RUNDC1: variants seen among roughly 807,000 people sequenced by gnomAD.
RUNDC1 encodes the protein RUN domain-containing protein 1.
A neutral mutation model predicts 49.3 loss-of-function variants in RUNDC1; 31 were observed. The ratio of observed to expected loss-of-function variants is 0.63; its 90% confidence interval spans 0.47 to 0.85. RUNDC1 has a LOEUF of 0.85. RUNDC1 is among the 40% of genes least tolerant of loss of function. RUNDC1 has a pLI of 0.00. For missense variants in RUNDC1, 715 were observed against 806.7 expected, an observed-to-expected ratio of 0.89 and a Z score of 1.38; for synonymous variants, 347 against 348.6, an observed-to-expected ratio of 1.00 and a Z score of 0.05.
chr17:42,987,497 T>C (rs1418447966), intron 2 of RUNDC1, 83 bp downstream of exon 2: 2 of 1,365,086 alleles, frequency 1.5e-6, no homozygotes, highest in Non-Finnish European at 2.1e-6. Flanking sequence ...CTCTCTCAGC[T>C]CAGTTCTCCT....
chr17:42,985,535 G>T, intron 1 of RUNDC1: 1 of 221,186 alleles, frequency 4.5e-6, no homozygotes, highest in Non-Finnish European at 7.6e-6. Context: ...TTGCTTTCAT[G>T]TTGAGCAAAG....
intron 1 of RUNDC1, chr17:42,981,380 G>A (rs952310461): frequency 8.1e-6 from 3 of 371,900 alleles, no homozygotes; most frequent in Non-Finnish European, 9.7e-6. Context: ...GCCAAGAGCA[G>A]TGCTGCGCCC....
At chr17:42,983,273 A>G (rs1698314222) in intron 1 of RUNDC1, among the ~76,000 whole-genome samples, 4 of 149,712 alleles carry the variant, frequency 2.7e-5, no homozygotes, top group Admixed American at 2.7e-4. Context: ...TCTTGTATTT[A>G]TACATTGAAT....
chr17:42,981,334 G>A (rs1314790194), intron 1 of RUNDC1: 7 of 497,150 alleles, frequency 1.4e-5, no homozygotes, highest in Non-Finnish European at 2.5e-5. Flanking sequence ...TAGAGGAGCG[G>A]TGAGCGAAGT....
At chr17:42,988,232 C>T (rs1310203665) in intron 2 of RUNDC1, among the ~76,000 whole-genome samples, 1 of 149,186 alleles carries the variant, frequency 6.7e-6, no homozygotes, top group Non-Finnish European at 1.5e-5. Context: ...GTTTTTCTGG[C>T]TGGGCTGGAG....
rs1567733773 is a variant in RUNDC1, at chr17:42,991,851, G to T, written c.*135G>T. On this transcript the variant is annotated 3_prime_UTR_variant, in exon 5 of 5. Coordinates refer to ENST00000361677, the MANE Select transcript of RUNDC1 (RefSeq NM_173079.5). The stretch of plus-strand genomic sequence containing the variant: ...ACCCTGCTCAGGCAGTCGGCCAAAT[G>T]AGTGCAAAGTCTGTTTTCCCCACCA... 4.5e-6 allele frequency: 4 copies of T among 892,846 alleles called. No homozygotes were observed. In the East Asian group the frequency reaches 9.9e-5, roughly 22 times the overall value. 55.3% of individuals were successfully genotyped at this position (892,846 alleles called of 1,614,324 possible). A position where few individuals can be genotyped will look rare whatever the true frequency, so the allele number is the denominator to read the frequency against.
At chr17:42,985,645 C>A in intron 1 of RUNDC1, 3 of 283,634 alleles carry the variant, frequency 1.1e-5, no homozygotes, top group African/African-American at 3.2e-5. Flanking sequence ...TTACTTACTT[C>A]TTCAGGGCTT....
chr17:42,981,182 G>C, intron 1 of RUNDC1, 108 bp downstream of exon 1: 2 of 1,364,314 alleles, frequency 1.5e-6, no homozygotes, highest in Non-Finnish European at 1.9e-6. Flanking sequence ...CCCCGACTCG[G>C]TCGGTGAGTA....
intron 3 of RUNDC1, 69 bp downstream of exon 3, chr17:42,989,608 G>A (rs747592417): frequency 1.4e-5 from 20 of 1,406,770 alleles, no homozygotes; most frequent in Non-Finnish European, 2.0e-5. Flanking sequence ...CTAAGTACTA[G>A]TAAAAAGGTT....
At chr17:42,982,447 A>G (rs2151956229) in intron 1 of RUNDC1, among the ~76,000 whole-genome samples, 1 of 152,226 alleles carries the variant, frequency 6.6e-6, no homozygotes, top group Admixed American at 6.5e-5. Flanking sequence ...ACCCTTCTCC[A>G]CATACCTGCA....
intron 1 of RUNDC1, among the ~76,000 whole-genome samples, chr17:42,986,791 G>A (rs1445873776): frequency 6.6e-6 from 1 of 152,148 alleles, no homozygotes; most frequent in African/African-American, 2.4e-5. Context: ...GAGCTACCGG[G>A]CCCGGCCAGC....
chr17:42,987,489 C>G, intron 2 of RUNDC1, 75 bp downstream of exon 2: 2 of 1,420,556 alleles, frequency 1.4e-6, no homozygotes, highest in East Asian at 2.3e-5. Flanking sequence ...AGGGCATCCT[C>G]TCTCAGCTCA....
intron 1 of RUNDC1, among the ~76,000 whole-genome samples, chr17:42,982,976 G>T (rs993243416): frequency 6.9e-6 from 1 of 145,330 alleles, no homozygotes; most frequent in Non-Finnish European, 1.5e-5. Flanking sequence ...CAACAAGAGT[G>T]AAACTCTGTC....
chr17:42,987,314 T>TA lies in RUNDC1; in HGVS notation c.558dup (p.Leu187ThrfsTer9). On this transcript the variant is annotated frameshift_variant, in exon 2 of 5. Transcript: ENST00000361677. LOFTEE classifies it high-confidence loss of function. ...CAAAGGGAGAAGCAGAAAGAACTGA[T>TA]ACTGCAGCTCAAGACCCAGCTAGAT... 1 of 1,614,058 alleles carries TA rather than the reference T, an allele frequency of 6.2e-7. No individual in the cohort carries two copies. The highest frequency in any genetic ancestry group is 8.5e-7 in the Non-Finnish European group (1 of 1,179,972).
At chr17:42,983,968 G>A (rs948962471) in intron 1 of RUNDC1, among the ~76,000 whole-genome samples, 7 of 151,422 alleles carry the variant, frequency 4.6e-5, no homozygotes, top group African/African-American at 1.5e-4. Flanking sequence ...ATAGGTGTGA[G>A]CCACCGTGCC....
At position 42,982,993 on chromosome 17, in the gene RUNDC1, A is replaced by T. The variant is rs558205959; in HGVS notation, c.498+1919A>T. ...ACAAGAGTGAAACTCTGTCTCAAAA[A>T]AAAACACACAAAAAATTAAAAACTG... On this transcript the variant is annotated intron_variant, in intron 1 of 4. Transcript: ENST00000361677. Among the ~76,000 whole-genome samples, 7 of 150,216 alleles carry T rather than the reference A, an allele frequency of 4.7e-5. No individual in the cohort carries two copies. The East Asian group carries it at 5.8e-4, about 12-fold the overall frequency.
intron 1 of RUNDC1, among the ~76,000 whole-genome samples, chr17:42,982,930 T>C (rs371284483): frequency 6.8e-6 from 1 of 147,844 alleles, no homozygotes; most frequent in African/African-American, 2.5e-5. Flanking sequence ...GAGGTTGCGG[T>C]GAGCCAAGAT....
chr17:42,989,335 T>C lies in RUNDC1; in HGVS notation c.658-6T>C, dbSNP rs764644489. 2 of 1,611,556 alleles carry C rather than the reference T, an allele frequency of 1.2e-6. No individual in the cohort carries two copies. Among genetic ancestry groups the C allele is most frequent in the Non-Finnish European group, 1.7e-6 (2 of 1,178,298 alleles). Reference sequence around the variant, plus strand: ...AGGGTGTGCTCATTGCTTGTGATCTTGGTAGGTGATCATAGATGAGTTAAT... The same window carrying C: ...AGGGTGTGCTCATTGCTTGTGATCTCGGTAGGTGATCATAGATGAGTTAAT... On this transcript the variant is annotated splice_region_variant and splice_polypyrimidine_tract_variant and intron_variant, in intron 2 of 4. Coordinates refer to ENST00000361677, the MANE Select transcript of RUNDC1 (RefSeq NM_173079.5).
In RUNDC1 at chr17:42,990,853, A is replaced by G. The variant is rs2050228757; in HGVS notation, c.979A>G (p.Lys327Glu). The change falls in exon 5 of 5, where the codon AAG becomes GAG. Residue 327 changes from lysine (K) to glutamate (E), a missense_variant and splice_region_variant. This residue lies in a region of RUNDC1 where 425 missense variants were observed against 499.7 expected (regional missense o/e 0.85). Coordinates refer to ENST00000361677, the MANE Select transcript of RUNDC1 (RefSeq NM_173079.5). ...GAGCCACTGTCTTTTCTAAGCAGCA[A>G]AGGCAGAGGATGTGAAGAAAGTCCG... is the stretch of plus-strand genomic sequence containing the variant. ...SRTPPGNSKTKAEDVKKVRET... is the reference protein window; with the variant it reads ...SRTPPGNSKTEAEDVKKVRET... 1 of 1,586,406 alleles carries G rather than the reference A, an allele frequency of 6.3e-7. No individual in the cohort carries two copies. The highest frequency in any genetic ancestry group is 1.3e-5 in the African/African-American group (1 of 74,488).
Sources: allele counts gnomAD v4.1 joint callset (sites outside exome capture counted in the v4.1 genomes callset), GRCh38; gene constraint gnomAD v4.1.1; regional missense constraint gnomAD v4.1.1; transcripts MANE v1.5; gene names NCBI Gene and HGNC (gene_info 2026-07-23, HGNC 2026-07-21).